BCAS3: variants seen among roughly 807,000 people sequenced by gnomAD.
The protein encoded by BCAS3 is BCAS3 microtubule associated cell migration factor.
BCAS3 carries 53 observed loss-of-function variants against 116.1 expected under a neutral mutation model. The observed-to-expected ratio is 0.46, with a 90% CI of 0.37 to 0.57. The LOEUF is 0.57. Ranked by LOEUF, BCAS3 falls within the 20% of genes least tolerant of loss-of-function variation. BCAS3 has a pLI of 0.00. For synonymous variants in BCAS3, 391 were observed against 408.2 expected, an observed-to-expected ratio of 0.96 and a Z score of 0.51; for missense variants, 917 against 1,165.4, an observed-to-expected ratio of 0.79 and a Z score of 3.10.
intron 15 of BCAS3, among the ~76,000 whole-genome samples, chr17:61,010,248 T>C (rs2145511079): frequency 6.6e-6 from 1 of 152,092 alleles, no homozygotes; most frequent in Non-Finnish European, 1.5e-5. Flanking sequence ...TGTGTTTTTA[T>C]AGTATAGAAT....
chr17:61,237,030 A>C (rs1256602136), intron 22 of BCAS3, among the ~76,000 whole-genome samples: 1 of 152,218 alleles, frequency 6.6e-6, no homozygotes, highest in Non-Finnish European at 1.5e-5. Flanking sequence ...GGAAGCCATT[A>C]AAAAGTTATC....
chr17:61,196,206 A>G lies in BCAS3; in HGVS notation c.2425+111642A>G, dbSNP rs781665170. Reference sequence around the variant, plus strand: ...AACTACTAGAGAGACGTTATTCCGTAACACAGTGAATCTCAGAATTTATTT... The same window carrying G: ...AACTACTAGAGAGACGTTATTCCGTGACACAGTGAATCTCAGAATTTATTT... On this transcript the variant is annotated intron_variant, in intron 22 of 23. Coordinates refer to ENST00000407086, the MANE Select transcript of BCAS3 (RefSeq NM_017679.5). This position sits in a 1 kb window ranked among gnomAD's most constrained non-coding sequence, Gnocchi z 4.7. 7.9e-5 allele frequency among the ~76,000 whole-genome samples: 12 copies of G among 152,194 alleles called. No homozygotes were observed. Among genetic ancestry groups the G allele is most frequent in the Non-Finnish European group, 1.5e-4 (10 of 68,032 alleles).
chr17:61,262,622 C>T (rs972116978), intron 22 of BCAS3, among the ~76,000 whole-genome samples: 5 of 152,088 alleles, frequency 3.3e-5, no homozygotes, highest in African/African-American at 9.7e-5. Flanking sequence ...CTCAGGTGAT[C>T]CACCCGCCTC....
chr17:60,865,390 TAAGAA>T (rs1869211876), intron 7 of BCAS3, among the ~76,000 whole-genome samples: 1 of 152,214 alleles, frequency 6.6e-6, no homozygotes, highest in African/African-American at 2.4e-5. Flanking sequence ...CTTGCCATCT[TAAGAA>T]AATTATAACT....
Position 61,367,216 on chromosome 17 carries a change from C to T in BCAS3, c.2426-1111C>T, listed in dbSNP as rs770970199. ...AAACGTTGGCATTTGCATTTTTTCC[C>T]CATCTTCCCGATGCTGGCAGGAACC... On this transcript the variant is annotated intron_variant, in intron 22 of 23. Coordinates refer to ENST00000407086, the MANE Select transcript of BCAS3 (RefSeq NM_017679.5). This position sits in a 1 kb window ranked among gnomAD's most constrained non-coding sequence, Gnocchi z 6.2. Among the ~76,000 whole-genome samples, 3 of 152,180 alleles carry T rather than the reference C, an allele frequency of 2.0e-5. No individual in the cohort carries two copies. The highest frequency in any genetic ancestry group is 4.8e-5 in the African/African-American group (2 of 41,434).
intron 6 of BCAS3, among the ~76,000 whole-genome samples, chr17:60,754,773 C>T (rs1409580567): frequency 1.3e-5 from 2 of 151,396 alleles, no homozygotes; most frequent in Non-Finnish European, 2.9e-5. Context: ...TAGCAAGCCT[C>T]TAAAAGTAGG....
At chr17:61,269,366 C>T (rs2050038614) in intron 22 of BCAS3, among the ~76,000 whole-genome samples, 2 of 152,110 alleles carry the variant, frequency 1.3e-5, no homozygotes, top group Non-Finnish European at 2.9e-5. Context: ...CCACCTGCCT[C>T]GACTTCCCAA....
At chr17:61,149,337 A>G (rs1363556290) in intron 22 of BCAS3, among the ~76,000 whole-genome samples, 6 of 152,184 alleles carry the variant, frequency 3.9e-5, no homozygotes, top group African/African-American at 1.4e-4. Flanking sequence ...CGAAATACTT[A>G]GGCAAGAAGA....
At chr17:61,103,745 C>T (rs1414091850) in intron 22 of BCAS3, among the ~76,000 whole-genome samples, 1 of 152,166 alleles carries the variant, frequency 6.6e-6, no homozygotes, top group Non-Finnish European at 1.5e-5. Context: ...TCCCTCACAG[C>T]AACTATCTTC....
At chr17:60,940,834 A>G (rs887813242) in intron 13 of BCAS3, among the ~76,000 whole-genome samples, 1 of 152,210 alleles carries the variant, frequency 6.6e-6, no homozygotes, top group African/African-American at 2.4e-5. Flanking sequence ...ATGTGTGTAT[A>G]TGATAAAGAA....
In BCAS3 at chr17:61,020,215, G is replaced by A. The variant is rs555912129; in HGVS notation, c.1637+4314G>A. ...AACTTAAACCTTAAGGGGACAAAAC[G>A]TGTGTTTACCATATTCAACATCTGC... On this transcript the variant is annotated intron_variant, in intron 16 of 23. Transcript: ENST00000407086. The surrounding 1 kb of genome is among the most constrained non-coding windows in gnomAD (Gnocchi z 4.5). 6.6e-5 allele frequency among the ~76,000 whole-genome samples: 10 copies of A among 152,280 alleles called. No individual in the cohort carries two copies. The highest frequency in any genetic ancestry group is 9.6e-5 in the African/African-American group (4 of 41,572).
chr17:60,896,477 C>A (rs1395090509), intron 10 of BCAS3, among the ~76,000 whole-genome samples: 2 of 152,092 alleles, frequency 1.3e-5, no homozygotes, highest in Non-Finnish European at 2.9e-5. Context: ...CTAATATTTG[C>A]TTTAGGAATC....
intron 22 of BCAS3, among the ~76,000 whole-genome samples, chr17:61,096,572 A>T (rs544545515): frequency 6.6e-6 from 1 of 152,156 alleles, no homozygotes; most frequent in Non-Finnish European, 1.5e-5. Flanking sequence ...CAAAAAATGA[A>T]CTTGTTTCCA....
Position 61,198,205 on chromosome 17 carries a change from A to G in BCAS3, c.2425+113641A>G, listed in dbSNP as rs1306453723. Among the ~76,000 whole-genome samples, 1 of 151,128 alleles carries G rather than the reference A, an allele frequency of 6.6e-6. No individual in the cohort carries two copies. Among genetic ancestry groups the G allele is most frequent in the Non-Finnish European group, 1.5e-5 (1 of 67,910 alleles). On this transcript the variant is annotated intron_variant, in intron 22 of 23. Transcript: ENST00000407086. The surrounding 1 kb of genome is among the most constrained non-coding windows in gnomAD (Gnocchi z 5.0). ...CCCCAGGCTGGAGTGCAGTGGCCCA[A>G]TCTCAGCTTACTGCAAGCTCCACCT...
chr17:60,824,440 G>A (rs1165916566), intron 7 of BCAS3, among the ~76,000 whole-genome samples: 4 of 152,038 alleles, frequency 2.6e-5, no homozygotes, highest in East Asian at 1.9e-4. Context: ...TTTCCCTTTG[G>A]CTGGTATCTC....
At chr17:60,813,677 A>G (rs1040985486) in intron 7 of BCAS3, among the ~76,000 whole-genome samples, 3 of 152,050 alleles carry the variant, frequency 2.0e-5, no homozygotes, top group African/African-American at 7.2e-5. Flanking sequence ...TTAGTTCCCA[A>G]TTGTCGATTT....
chr17:60,872,694 T>A (rs1252041996), intron 8 of BCAS3, among the ~76,000 whole-genome samples: 1 of 151,326 alleles, frequency 6.6e-6, no homozygotes, highest in Non-Finnish European at 1.5e-5. Flanking sequence ...ATACACCATA[T>A]ATATCTATGT....
rs2078232530 is a variant in BCAS3, at chr17:61,162,623, C to A, written c.2425+78059C>A. Among the ~76,000 whole-genome samples the A allele has an allele frequency of 6.6e-6, 1 of 152,082 alleles. No individual in the cohort carries two copies. The highest frequency in any genetic ancestry group is 1.5e-5 in the Non-Finnish European group (1 of 68,012). On this transcript the variant is annotated intron_variant, in intron 22 of 23. Transcript: ENST00000407086. This position sits in a 1 kb window ranked among gnomAD's most constrained non-coding sequence, Gnocchi z 5.6. Reference sequence around the variant, plus strand: ...CTCTGCATTTATTTTAGCAGACTTCCCCAATAACATTTTGCAGTTTTCAGC... The same window carrying A: ...CTCTGCATTTATTTTAGCAGACTTCACCAATAACATTTTGCAGTTTTCAGC...
chr17:60,914,069 T>A (rs1016523741), intron 12 of BCAS3, among the ~76,000 whole-genome samples: 4 of 152,216 alleles, frequency 2.6e-5, no homozygotes, highest in African/African-American at 4.8e-5. Flanking sequence ...CATAATAATT[T>A]AATAGCTTCT....
Sources: allele counts gnomAD v4.1 joint callset (sites outside exome capture counted in the v4.1 genomes callset), GRCh38; gene constraint gnomAD v4.1.1; non-coding constraint Gnocchi (gnomAD v3.1); transcripts MANE v1.5; gene names NCBI Gene and HGNC (gene_info 2026-07-23, HGNC 2026-07-21).